Variants in LRRC4C observed in about 807,000 individuals in gnomAD.
LRRC4C encodes leucine rich repeat containing 4C.
A neutral mutation model predicts 33.6 loss-of-function variants in LRRC4C; 5 were observed. The observed-to-expected ratio is 0.15, with a 90% CI of 0.08 to 0.31. The LOEUF (loss-of-function observed/expected upper bound fraction) is 0.31. LRRC4C is among the 10% of genes least tolerant of loss of function. The pLI is 1.00. For synonymous variants in LRRC4C, 329 were observed against 302.0 expected (o/e 1.09, Z -0.93); for missense variants, 560 against 796.7 (o/e 0.70, Z 3.58).
intron 1 of LRRC4C, among the ~76,000 whole-genome samples, chr11:41,277,663 G>A (rs558855455): frequency 6.6e-5 from 10 of 152,176 alleles, no homozygotes; most frequent in Admixed American, 4.6e-4. Flanking sequence ...ACAAATATCC[G>A]CAGGTGACAA....
At chr11:41,279,430 C>CCCCCCCT (rs1341502219) in intron 1 of LRRC4C, among the ~76,000 whole-genome samples, 1 of 92,524 alleles carries the variant, frequency 1.1e-5, no homozygotes, top group Admixed American at 1.3e-4. Flanking sequence ...ACACACACAC[C>CCCCCCCT]GTGGCAATCA....
chr11:40,984,367 GAAAGAAA>G (rs1445558313), intron 1 of LRRC4C, among the ~76,000 whole-genome samples: 5 of 96,516 alleles, frequency 5.2e-5, no homozygotes, highest in African/African-American at 2.2e-4. Flanking sequence ...AAAGAAAAAA[GAAAGAAA>G]GAAAGAAAGA....
At chr11:41,160,329 T>G (rs1944413440) in intron 1 of LRRC4C, among the ~76,000 whole-genome samples, 1 of 151,302 alleles carries the variant, frequency 6.6e-6, no homozygotes, top group Non-Finnish European at 1.5e-5. Flanking sequence ...TGATCATACC[T>G]GTGAATAGCC....
intron 2 of LRRC4C, among the ~76,000 whole-genome samples, chr11:40,893,326 G>T (rs573137970): frequency 1.3e-5 from 2 of 151,996 alleles, no homozygotes; most frequent in South Asian, 2.1e-4. Context: ...GCACAACAGG[G>T]TGACTACAAT....
intron 2 of LRRC4C, among the ~76,000 whole-genome samples, chr11:40,730,335 C>G (rs184263534): frequency 6.6e-6 from 1 of 151,978 alleles, no homozygotes; most frequent in African/African-American, 2.4e-5. Context: ...AAAAGGTGTC[C>G]CAACCACTAC....
At chr11:40,776,424 T>C (rs1391151686) in intron 2 of LRRC4C, among the ~76,000 whole-genome samples, 2 of 152,142 alleles carry the variant, frequency 1.3e-5, no homozygotes, top group Admixed American at 1.3e-4. Flanking sequence ...TATTGGTGTG[T>C]TCAGGGTTTC....
At chr11:40,122,015 G>A (rs184110350) in intron 6 of LRRC4C, among the ~76,000 whole-genome samples, 4 of 151,962 alleles carry the variant, frequency 2.6e-5, no homozygotes, top group Admixed American at 1.3e-4. Context: ...CCTCTTCTGG[G>A]GCTCTTCCAC....
intron 1 of LRRC4C, among the ~76,000 whole-genome samples, chr11:41,178,456 C>A (rs999108524): frequency 1.3e-5 from 2 of 152,106 alleles, no homozygotes; most frequent in African/African-American, 2.4e-5. Context: ...TAGGCTCAAG[C>A]AATTCTCATG....
intron 1 of LRRC4C, among the ~76,000 whole-genome samples, chr11:41,452,084 T>G (rs1358656303): frequency 6.6e-6 from 1 of 152,164 alleles, no homozygotes; most frequent in Non-Finnish European, 1.5e-5. Context: ...ATTCAAACAT[T>G]TGTCTCAACT....
intron 2 of LRRC4C, among the ~76,000 whole-genome samples, chr11:40,884,220 A>G (rs1350401365): frequency 6.6e-6 from 1 of 152,030 alleles, no homozygotes; most frequent in Non-Finnish European, 1.5e-5. Context: ...AGCTTCGTCC[A>G]TTACCCTGCA....
chr11:40,483,559 A>T (rs72897092), intron 3 of LRRC4C, among the ~76,000 whole-genome samples: 1 of 152,278 alleles, frequency 6.6e-6, no homozygotes, highest in Non-Finnish European at 1.5e-5. Flanking sequence ...AAAAGTGAAT[A>T]AAATCTAGGA....
Position 40,491,856 on chromosome 11 carries a change from G to T in LRRC4C, c.-270+156286C>A, listed in dbSNP as rs1479436473. Among the ~76,000 whole-genome samples the T allele has an allele frequency of 2.0e-5, 3 of 152,106 alleles. No individual in the cohort carries two copies. In the East Asian group the frequency reaches 5.8e-4, roughly 29 times the overall value. On this transcript the variant is annotated intron_variant, in intron 3 of 6. Transcript: ENST00000528697. ...CAGTCCCACCTATTTTCACAGAGGG[G>T]AATTACACAGGGTGAGTACACCAGG...
At chr11:40,752,593 C>G (rs191058890) in intron 2 of LRRC4C, among the ~76,000 whole-genome samples, 17 of 151,222 alleles carry the variant, frequency 1.1e-4, no homozygotes, top group African/African-American at 4.1e-4. Flanking sequence ...AATAAACAAA[C>G]AAAACAAAAC....
chr11:40,877,539 T>C (rs1045227374), intron 2 of LRRC4C, among the ~76,000 whole-genome samples: 3 of 152,192 alleles, frequency 2.0e-5, no homozygotes, highest in Admixed American at 6.5e-5. Context: ...CACCGAGTTA[T>C]GGTGCTAGCC....
intron 1 of LRRC4C, among the ~76,000 whole-genome samples, chr11:41,094,750 G>A (rs982714228): frequency 2.0e-5 from 3 of 151,732 alleles, no homozygotes; most frequent in African/African-American, 4.8e-5. Flanking sequence ...TATCTTTCTT[G>A]TCAATGGGTC....
intron 5 of LRRC4C, among the ~76,000 whole-genome samples, chr11:40,231,276 G>C (rs549127737): frequency 1.3e-5 from 2 of 152,224 alleles, no homozygotes; most frequent in South Asian, 4.1e-4. Flanking sequence ...AACTCCCCAG[G>C]ACAGAAATAA....
chr11:40,279,522 A>G (rs893717848), intron 4 of LRRC4C, among the ~76,000 whole-genome samples: 2 of 152,206 alleles, frequency 1.3e-5, no homozygotes, highest in African/African-American at 4.8e-5. Flanking sequence ...ATATTGTTGT[A>G]AGAAAATCTC....
At chr11:40,208,708 C>T (rs1277850257) in intron 5 of LRRC4C, among the ~76,000 whole-genome samples, 1 of 152,034 alleles carries the variant, frequency 6.6e-6, no homozygotes, top group South Asian at 2.1e-4. Context: ...CCCCAGATAC[C>T]TCATATATAA....
intron 3 of LRRC4C, among the ~76,000 whole-genome samples, chr11:40,358,480 C>A (rs1431458030): frequency 6.6e-6 from 1 of 152,014 alleles, no homozygotes; most frequent in East Asian, 1.9e-4. Flanking sequence ...GGGGTTTCAC[C>A]GTGTTGGCCA....
Sources: allele counts gnomAD v4.1 joint callset (sites outside exome capture counted in the v4.1 genomes callset), GRCh38; gene constraint gnomAD v4.1.1; transcripts MANE v1.5; gene names NCBI Gene and HGNC (gene_info 2026-07-23, HGNC 2026-07-21).